Variants in KANK1 observed in about 807,000 individuals in gnomAD.
KANK1 encodes the protein KN motif and ankyrin repeat domain-containing protein 1.
In KANK1, 109 loss-of-function variants were observed where a neutral mutation model predicts 106.2. The ratio of observed to expected loss-of-function variants is 1.03; its 90% confidence interval spans 0.88 to 1.20. The LOEUF (loss-of-function observed/expected upper bound fraction) is 1.20, where lower values mean the gene tolerates loss of function less well. Among genes scored for constraint, KANK1 ranks in the 50% most tolerant of loss-of-function variants. The pLI is 0.00. For synonymous variants in KANK1, 873 were observed against 652.2 expected (o/e 1.34, Z -5.16); for missense variants, 2,399 against 1,710.7 (o/e 1.40, Z -7.10).
intron 1 of KANK1, among the ~76,000 whole-genome samples, chr9:598,835 T>C (rs1363056165): frequency 1.3e-5 from 2 of 149,420 alleles, no homozygotes; most frequent in Non-Finnish European, 3.0e-5. Context: ...TCTTGACGTG[T>C]TGGCCAGACT....
intron 3 of KANK1, among the ~76,000 whole-genome samples, chr9:726,266 G>A (rs1589224241): frequency 6.6e-6 from 1 of 152,302 alleles, no homozygotes; most frequent in East Asian, 1.9e-4. Context: ...CCTGAGCTGT[G>A]TTGTGGGGCA....
chr9:717,594 T>G (rs1828066029), intron 3 of KANK1, among the ~76,000 whole-genome samples: 1 of 152,202 alleles, frequency 6.6e-6, no homozygotes, highest in Non-Finnish European at 1.5e-5. Context: ...TAATTCCTGA[T>G]AGTATGAGTT....
At chr9:630,926 G>T (rs942080292) in intron 1 of KANK1, among the ~76,000 whole-genome samples, 1 of 151,644 alleles carries the variant, frequency 6.6e-6, no homozygotes, top group Admixed American at 6.6e-5. Flanking sequence ...CCACACCCTA[G>T]CCTGGGTGAC....
intron 1 of KANK1, among the ~76,000 whole-genome samples, chr9:548,585 A>G (rs1219479717): frequency 2.0e-5 from 3 of 152,198 alleles, no homozygotes; most frequent in Non-Finnish European, 4.4e-5. Flanking sequence ...AAAAAATTCC[A>G]ATAGTTGTAA....
chr9:514,496 CCTTA>C (rs1238257677), intron 1 of KANK1, among the ~76,000 whole-genome samples: 9 of 150,612 alleles, frequency 6.0e-5, no homozygotes, highest in Non-Finnish European at 1.3e-4. Context: ...CCGAGGGTAT[CCTTA>C]CTTCTAATAT....
Position 619,204 on chromosome 9 carries a change from C to G in KANK1, c.-83-57686C>G, listed in dbSNP as rs145926778. On this transcript the variant is annotated intron_variant, in intron 1 of 11. Transcript: ENST00000382297. The stretch of plus-strand genomic sequence containing the variant: ...AAAGGAACAGGGGAGAGCTACAGTG[C>G]TTTTGAATTTCAGAGAGGCCTCTTA... 3.0e-3 allele frequency among the ~76,000 whole-genome samples: 462 copies of G among 152,268 alleles called. 9 individuals are homozygous for G. Among genetic ancestry groups the G allele is most frequent in the African/African-American group, 0.011 (454 of 41,554 alleles).
At chr9:658,190 A>T (rs10975609) in intron 1 of KANK1, among the ~76,000 whole-genome samples, 1 of 152,074 alleles carries the variant, frequency 6.6e-6, no homozygotes, top group Non-Finnish European at 1.5e-5. Flanking sequence ...CAAAGCCCAG[A>T]GCTGCCTCTC....
chr9:665,362 C>T (rs1844336375), intron 1 of KANK1, among the ~76,000 whole-genome samples: 1 of 152,158 alleles, frequency 6.6e-6, no homozygotes, highest in Non-Finnish European at 1.5e-5. Context: ...AGATAGAGGT[C>T]TAGTTTCATT....
chr9:566,061 A>G (rs368112871), intron 1 of KANK1, among the ~76,000 whole-genome samples: 8 of 152,220 alleles, frequency 5.3e-5, no homozygotes, highest in South Asian at 4.1e-4. Context: ...GTTGTCCTCT[A>G]TGTGCCCATG....
At chr9:692,746 G>C (rs1165345589) in intron 2 of KANK1, among the ~76,000 whole-genome samples, 2 of 152,044 alleles carry the variant, frequency 1.3e-5, no homozygotes, top group African/African-American at 4.8e-5. Context: ...CATGTGTGGT[G>C]GTTCATGCCT....
intron 2 of KANK1, chr9:686,673 G>A: frequency 1.2e-6 from 1 of 809,460 alleles, no homozygotes; most frequent in Non-Finnish European, 1.5e-6. Context: ...GTCTGCCCCA[G>A]GGACAACTGT....
chr9:576,583 G>T (rs1019152877), intron 1 of KANK1, among the ~76,000 whole-genome samples: 1 of 152,118 alleles, frequency 6.6e-6, no homozygotes, highest in Non-Finnish European at 1.5e-5. Context: ...CGTTTGCTTC[G>T]ATTCTTTCAC....
intron 1 of KANK1, among the ~76,000 whole-genome samples, chr9:673,175 G>A (rs1815585116): frequency 6.8e-6 from 1 of 147,994 alleles, no homozygotes; most frequent in African/African-American, 2.5e-5. Context: ...ACACTGCCAG[G>A]ATTCACACCC....
chr9:605,709 C>G (rs1455178384), intron 1 of KANK1, among the ~76,000 whole-genome samples: 1 of 151,652 alleles, frequency 6.6e-6, no homozygotes, highest in Non-Finnish European at 1.5e-5. Context: ...TAAGCATGAT[C>G]AGGCTGGGGA....
At chr9:714,836 G>A (rs1827253946) in intron 3 of KANK1, among the ~76,000 whole-genome samples, 1 of 152,178 alleles carries the variant, frequency 6.6e-6, no homozygotes, top group African/African-American at 2.4e-5. Context: ...CATGTGCACT[G>A]CCTCTCACAG....
chr9:741,898 C>T (rs138623841), intron 9 of KANK1, among the ~76,000 whole-genome samples: 5 of 152,224 alleles, frequency 3.3e-5, no homozygotes, highest in East Asian at 1.9e-4. Context: ...GGGTTACAGG[C>T]GTGACCCACC....
chr9:491,192 C>A (rs1381649435), intron 3 of KANK1, among the ~76,000 whole-genome samples: 3 of 151,872 alleles, frequency 2.0e-5, no homozygotes, highest in Non-Finnish European at 4.4e-5. Flanking sequence ...AGCTCTTGGG[C>A]TCAAGTAATC....
chr9:597,684 G>A (rs80040414), intron 1 of KANK1, among the ~76,000 whole-genome samples: 1 of 149,400 alleles, frequency 6.7e-6, no homozygotes. Flanking sequence ...TTTTTTTTTA[G>A]ACAGAGTCTT....
At chr9:654,820 A>T (rs1490793553) in intron 1 of KANK1, among the ~76,000 whole-genome samples, 1,039 of 26,352 alleles carry the variant, frequency 0.039, 13 homozygotes, top group Middle Eastern at 0.05. Context: ...TGTGTGAGAG[A>T]GAGAGAGAGA....
Sources: allele counts gnomAD v4.1 joint callset (sites outside exome capture counted in the v4.1 genomes callset), GRCh38; gene constraint gnomAD v4.1.1; transcripts MANE v1.5; gene names NCBI Gene and HGNC (gene_info 2026-07-23, HGNC 2026-07-21).